NPC1: variants seen among roughly 807,000 people sequenced by gnomAD.
NPC1 encodes the protein NPC intracellular cholesterol transporter 1, also known as Niemann-Pick C1 protein.
NPC1 carries 85 observed loss-of-function variants against 140.4 expected under a neutral mutation model. The ratio of observed to expected loss-of-function variants is 0.61; its 90% CI spans 0.51 to 0.72. The LOEUF (loss-of-function observed/expected upper bound fraction) is 0.72. Among genes scored for constraint, NPC1 ranks in the 30% least tolerant of loss-of-function variants. The probability of loss-of-function intolerance (pLI) is 0.00; values close to 1 mark genes in which losing one functional copy is unlikely to be tolerated. For synonymous variants in NPC1, 656 were observed against 624.8 expected (o/e 1.05, Z -0.74); for missense variants, 1,504 against 1,623.8 (o/e 0.93, Z 1.27).
chr18:23,549,544 CAGA>C (rs941172941), intron 10 of NPC1, among the ~76,000 whole-genome samples: 13 of 151,936 alleles, frequency 8.6e-5, no homozygotes, highest in East Asian at 5.8e-4. Flanking sequence ...GAGGTGGAGG[CAGA>C]AGAATTGCTC....
At chr18:23,582,874 G>C (rs2059372990) in intron 1 of NPC1, among the ~76,000 whole-genome samples, 1 of 151,714 alleles carries the variant, frequency 6.6e-6, no homozygotes, top group African/African-American at 2.4e-5. Flanking sequence ...ACTTTGGGAG[G>C]CCAAGGTGGG....
At chr18:23,575,155 T>G (rs1356495352) in intron 1 of NPC1, among the ~76,000 whole-genome samples, 1 of 152,230 alleles carries the variant, frequency 6.6e-6, no homozygotes, top group African/African-American at 2.4e-5. Context: ...GAGACAGATG[T>G]GCAGTCAACA....
At chr18:23,532,325 A>G (rs915050212) in intron 24 of NPC1, 41 bp from the exon 25 acceptor site, 1 of 1,612,472 alleles carries the variant, frequency 6.2e-7, no homozygotes, top group African/African-American at 1.3e-5. Flanking sequence ...TGCAGGAGAA[A>G]GGGAGCTAGT....
At chr18:23,533,893 C>T (rs2058582484) in intron 23 of NPC1, 1 of 341,996 alleles carries the variant, frequency 2.9e-6, no homozygotes, top group Admixed American at 4.4e-5. Flanking sequence ...TATTTGCTGC[C>T]TTATGATCCT....
chr18:23,520,947 G>T (rs1449844073), downstream of NPC1, among the ~76,000 whole-genome samples: 1 of 151,836 alleles, frequency 6.6e-6, no homozygotes, highest in Non-Finnish European at 1.5e-5. Flanking sequence ...TGAACTTCTG[G>T]CCTCAAGTGA....
exon 4 of NPC1, chr18:23,506,480 C>CTCTCACAG (rs2057720025): frequency 6.5e-6 from 1 of 152,800 alleles, no homozygotes; most frequent in African/African-American, 2.4e-5. Flanking sequence ...CTGCTTCATC[C>CTCTCACAG]TCTCACAGTG....
In NPC1 at chr18:23,531,732, A is replaced by T; in HGVS notation, c.*470T>A. On this transcript the variant is annotated 3_prime_UTR_variant, in exon 25 of 25. Coordinates refer to ENST00000269228, the MANE Select transcript of NPC1 (RefSeq NM_000271.5). ...TCACTTGCTGTTTTTTTATATAAAA[A>T]TGTGTACAAAGTTAATTTATTGCAT... 1 of 1,597,710 alleles carries T rather than the reference A, an allele frequency of 6.3e-7. No homozygotes were observed. The highest frequency in any genetic ancestry group is 1.1e-5 in the South Asian group (1 of 87,082).
intron 2 of NPC1, 89 bp from the exon 3 acceptor site, chr18:23,572,269 G>A: frequency 1.2e-6 from 1 of 852,170 alleles, no homozygotes; most frequent in Non-Finnish European, 2.0e-6. Context: ...ATTCATTCAT[G>A]TAATCCTTTT....
chr18:23,586,146 AGTGAGG>A, intron 1 of NPC1, 135 bp downstream of exon 1: 6 of 870,724 alleles, frequency 6.9e-6, no homozygotes, highest in East Asian at 2.8e-5. Flanking sequence ...AAACAGGACA[AGTGAGG>A]AACCTCCGAG....
At chr18:23,561,624 T>A in intron 4 of NPC1, 97 bp from the exon 5 acceptor site, 1 of 1,171,746 alleles carries the variant, frequency 8.5e-7, no homozygotes, top group Non-Finnish European at 1.3e-6. Flanking sequence ...AAACACGAAC[T>A]CCATATGCAC....
At chr18:23,558,004 C>A (rs555106958) in intron 6 of NPC1, among the ~76,000 whole-genome samples, 77 of 152,036 alleles carry the variant, frequency 5.1e-4, no homozygotes, top group African/African-American at 1.8e-3. Context: ...ATACAACCCA[C>A]AGAATTAAAA....
intron 1 of NPC1, 93 bp downstream of exon 1, chr18:23,586,194 C>T: frequency 1.4e-6 from 2 of 1,384,618 alleles, no homozygotes; most frequent in Non-Finnish European, 1.9e-6. Flanking sequence ...TCCCCAGGAC[C>T]CGGGCCTGAG....
chr18:23,531,662 G>A lies in NPC1; in HGVS notation c.*540C>T. ...AAGAACATGTTGCTTTTTTCAAACA[G>A]ATTTTTGGAGACCAAGCTCTAATGA... On this transcript the variant is annotated 3_prime_UTR_variant, in exon 25 of 25. Coordinates refer to ENST00000269228, the MANE Select transcript of NPC1 (RefSeq NM_000271.5). 3 of 1,613,060 alleles carry A rather than the reference G, an allele frequency of 1.9e-6. No homozygotes were observed. The highest frequency in any genetic ancestry group is 2.5e-6 in the Non-Finnish European group (3 of 1,179,786).
At chr18:23,560,593 G>A (rs2059024207) in intron 5 of NPC1, 113 bp from the exon 6 acceptor site, 4 of 1,136,118 alleles carry the variant, frequency 3.5e-6, no homozygotes, top group Non-Finnish European at 5.0e-6. Context: ...ACTGAAAGAA[G>A]AAAAAGAATT....
At chr18:23,555,083 G>A in intron 8 of NPC1, 99 bp from the exon 9 acceptor site, 2 of 807,106 alleles carry the variant, frequency 2.5e-6, no homozygotes, top group South Asian at 2.9e-5. Flanking sequence ...AAGACAAAGA[G>A]TATTTGGGGA....
chr18:23,527,227 A>G (rs1056314663), downstream of NPC1, among the ~76,000 whole-genome samples: 3 of 149,064 alleles, frequency 2.0e-5, no homozygotes, highest in African/African-American at 7.4e-5. Context: ...TCTCTACAAA[A>G]AAAAAAAAAA....
At chr18:23,579,378 G>A (rs1325349490) in intron 1 of NPC1, among the ~76,000 whole-genome samples, 1 of 152,198 alleles carries the variant, frequency 6.6e-6, no homozygotes, top group Non-Finnish European at 1.5e-5. Flanking sequence ...ACAATGAGCT[G>A]AGGGAGTACA....
chr18:23,507,192 T>G, intron 3 of NPC1: 1 of 507,124 alleles, frequency 2.0e-6, no homozygotes, highest in Non-Finnish European at 3.5e-6. Flanking sequence ...TGCATTGTAT[T>G]AGAGCCTTCA....
chr18:23,559,231 T>C (rs1167323761), intron 6 of NPC1, among the ~76,000 whole-genome samples: 1 of 152,228 alleles, frequency 6.6e-6, no homozygotes. Context: ...CCTTTGGGTA[T>C]ATACCCAGTA....
Sources: allele counts gnomAD v4.1 joint callset (sites outside exome capture counted in the v4.1 genomes callset), GRCh38; gene constraint gnomAD v4.1.1; transcripts MANE v1.5; gene names NCBI Gene and HGNC (gene_info 2026-07-23, HGNC 2026-07-21).